CNNM2: variants seen among roughly 807,000 people sequenced by gnomAD.
CNNM2 encodes the protein metal transporter CNNM2.
CNNM2 carries 12 observed loss-of-function variants against 66.9 expected under a neutral mutation model. The observed-to-expected ratio is 0.18, with a 90% confidence interval of 0.11 to 0.29. The LOEUF is 0.29. Ranked by LOEUF, CNNM2 falls within the 10% of genes least tolerant of loss-of-function variation. CNNM2 has a pLI of 1.00. For synonymous variants in CNNM2, 557 were observed against 501.8 expected (o/e 1.11, Z -1.47); for missense variants, 705 against 1,167.7 (o/e 0.60, Z 5.77).
chr10:102,965,824 G>A (rs1456177995), intron 1 of CNNM2, among the ~76,000 whole-genome samples: 1 of 152,146 alleles, frequency 6.6e-6, no homozygotes, highest in Non-Finnish European at 1.5e-5. Context: ...CAAGCTAAAT[G>A]CCAACCACTT....
chr10:103,018,155 CAA>C (rs965960060), intron 1 of CNNM2, among the ~76,000 whole-genome samples: 1 of 151,722 alleles, frequency 6.6e-6, no homozygotes, highest in Non-Finnish European at 1.5e-5. Flanking sequence ...AAGGGTGAGA[CAA>C]AGAGATCAGT....
rs541323121 is a variant in CNNM2 at position 103,081,956 on chromosome 10, G to A, written c.*4776G>A. ...AAGCACGTTCTCTCTGTATGCTAGA[G>A]CTACTGACATCATCTCTACTAGAAT... is the stretch of plus-strand genomic sequence containing the variant. On this transcript the variant is annotated 3_prime_UTR_variant, in exon 8 of 8. Transcript: ENST00000369878. The A allele has an allele frequency of 6.6e-6, 1 of 152,346 alleles. No homozygotes were observed. Among genetic ancestry groups the A allele is most frequent in the South Asian group, 2.1e-4 (1 of 4,824 alleles). 9.4% of individuals were successfully genotyped at this position (152,346 alleles called of 1,614,324 possible). A position where few individuals can be genotyped will look rare whatever the true frequency, so the allele number is the denominator to read the frequency against.
At chr10:103,053,158 A>G (rs1027356338) in intron 2 of CNNM2, among the ~76,000 whole-genome samples, 4 of 152,200 alleles carry the variant, frequency 2.6e-5, no homozygotes, top group African/African-American at 9.7e-5. Flanking sequence ...ACCAAAGCCC[A>G]TGGGTGCCTG....
intron 1 of CNNM2, among the ~76,000 whole-genome samples, chr10:102,980,237 C>T (rs1178140610): frequency 1.3e-5 from 2 of 152,070 alleles, no homozygotes; most frequent in African/African-American, 4.8e-5. Flanking sequence ...GCCACTGCGT[C>T]CAGCCTCATC....
intron 1 of CNNM2, among the ~76,000 whole-genome samples, chr10:102,971,113 C>T (rs2063540315): frequency 6.6e-6 from 1 of 151,448 alleles, no homozygotes; most frequent in Non-Finnish European, 1.5e-5. Flanking sequence ...GTGGGAGGAT[C>T]CCTTGAGCCC....
chr10:103,056,896 A>C lies in CNNM2; in HGVS notation c.2005A>C (p.Lys669Gln). 1 of 1,614,014 alleles carries C rather than the reference A, an allele frequency of 6.2e-7. No homozygotes were observed. The highest frequency in any genetic ancestry group is 8.5e-7 in the Non-Finnish European group (1 of 1,179,886). The change falls in exon 4 of 8, where the codon AAG becomes CAG. Residue 669 changes from lysine (K) to glutamine (Q), a missense_variant. By Grantham distance (53) the Lys-to-Gln change is moderately conservative. Transcript: ENST00000369878. ...GGAACTGAAATATGATGAGAAGAAC[A>C]AGAAAGCCCCCGAATACTACCTCTA... ...IQELKYDEKN[K>Q]KAPEYYLYQR...
In CNNM2 at chr10:103,089,166, TA is replaced by T. The variant is rs1056034036; in HGVS notation, c.*11990del. ...TCACTGAGGATGAATTAAAGGCTTA[TA>T]AAAGAAAACTTGACCTTAACAGAGA... On this transcript the variant is annotated 3_prime_UTR_variant, in exon 8 of 8. Coordinates refer to ENST00000369878, the MANE Select transcript of CNNM2 (RefSeq NM_017649.5). 6 of 226,064 alleles carry T rather than the reference TA, an allele frequency of 2.7e-5. No homozygotes were observed. Among genetic ancestry groups the T allele is most frequent in the African/African-American group, 1.3e-4 (6 of 44,994 alleles). The allele number at this position is 226,064 out of a possible 1,614,324, so 14.0% of individuals were successfully genotyped here.
At chr10:102,992,305 C>T (rs1345016511) in intron 1 of CNNM2, among the ~76,000 whole-genome samples, 4 of 88,162 alleles carry the variant, frequency 4.5e-5, no homozygotes, top group East Asian at 9.1e-4. Flanking sequence ...ATGCAGTTTG[C>T]TCTCTTGCCC....
chr10:103,062,513 A>C (rs2134350499), intron 4 of CNNM2, among the ~76,000 whole-genome samples: 1 of 152,362 alleles, frequency 6.6e-6, no homozygotes, highest in East Asian at 1.9e-4. Flanking sequence ...ACTTAAGTAT[A>C]TGTCAGTATA....
Position 103,089,753 on chromosome 10 carries a change from G to A in CNNM2, c.*12573G>A, listed in dbSNP as rs1353529258. ...TTTCCTGGGGGGCCAGTGGGAAGAG[G>A]TTGGGAGGTTTAATCTCACTAATTG... On this transcript the variant is annotated 3_prime_UTR_variant, in exon 8 of 8. Transcript: ENST00000369878. 6.2e-7 allele frequency: 1 copy of A among 1,613,874 alleles called. No individual in the cohort carries two copies. Among genetic ancestry groups the A allele is most frequent in the Non-Finnish European group, 8.5e-7 (1 of 1,179,994 alleles).
Position 102,978,976 on chromosome 10 carries a change from C to T in CNNM2, c.1621+58875C>T, listed in dbSNP as rs1057151545. On this transcript the variant is annotated intron_variant, in intron 1 of 7. Coordinates refer to ENST00000369878, the MANE Select transcript of CNNM2 (RefSeq NM_017649.5). ...AATGGTTTCTTCTCATTGCTGTGTG[C>T]TATCACATTGTGTTAATATACCACG... 2.0e-5 allele frequency among the ~76,000 whole-genome samples: 3 copies of T among 152,176 alleles called. No individual in the cohort carries two copies. The East Asian group carries it at 5.8e-4, about 29-fold the overall frequency.
chr10:103,054,343 A>G lies in CNNM2; in HGVS notation c.1780A>G (p.Lys594Glu), dbSNP rs1448510355. ...TCCTCCCTTAGCTGACAACAGAACGAAAAAGAAAGTGGCTCACCGGGAACG... is the reference window on the plus strand; with the variant it reads ...TCCTCCCTTAGCTGACAACAGAACGGAAAAGAAAGTGGCTCACCGGGAACG... ...ETDLYTDNRTKKKVAHRERKQ... is the reference protein window; with the variant it reads ...ETDLYTDNRTEKKVAHRERKQ... The change falls in exon 3 of 8, where the codon AAA (lysine) becomes GAA (glutamate). Residue 594 changes from lysine (K) to glutamate (E), a missense_variant. Coordinates refer to ENST00000369878, the MANE Select transcript of CNNM2 (RefSeq NM_017649.5). This position sits in a 1 kb window ranked among gnomAD's most constrained non-coding sequence, Gnocchi z 5.2. 1.2e-6 allele frequency: 2 copies of G among 1,613,930 alleles called. No homozygotes were observed. The highest frequency in any genetic ancestry group is 1.7e-6 in the Non-Finnish European group (2 of 1,179,840).
Position 103,038,014 on chromosome 10 carries a change from A to G in CNNM2, c.1622-11693A>G, listed in dbSNP as rs573629968. 2.0e-5 allele frequency among the ~76,000 whole-genome samples: 3 copies of G among 152,072 alleles called. No homozygotes were observed. The South Asian group carries it at 6.2e-4, about 32-fold the overall frequency. Reference sequence around the variant, plus strand: ...ACCACCATACCCAGCTAATTTTTGTATTTTTAGTAGAGACGGGGTTTCACC... The same window carrying G: ...ACCACCATACCCAGCTAATTTTTGTGTTTTTAGTAGAGACGGGGTTTCACC... On this transcript the variant is annotated intron_variant, in intron 1 of 7. Coordinates refer to ENST00000369878, the MANE Select transcript of CNNM2 (RefSeq NM_017649.5).
intron 1 of CNNM2, among the ~76,000 whole-genome samples, chr10:102,924,380 A>G (rs1033930325): frequency 7.9e-5 from 12 of 152,152 alleles, no homozygotes; most frequent in African/African-American, 2.4e-4. Flanking sequence ...AGAGCATGCT[A>G]TTTACAGCTG....
chr10:102,918,682 G>A lies in CNNM2; in HGVS notation c.202G>A (p.Glu68Lys), dbSNP rs758292054. Reference protein sequence around the residue: ...CGAGGCAAVGENEETVIIGLR... With the variant: ...CGAGGCAAVGKNEETVIIGLR... Reference sequence around the variant, plus strand: ...TGCGGGCGGCTGCGCAGCGGTGGGCGAGAATGAGGAGACGGTGATCATCGG... The same window carrying A: ...TGCGGGCGGCTGCGCAGCGGTGGGCAAGAATGAGGAGACGGTGATCATCGG... The change falls in exon 1 of 8, where the codon GAG (glutamate) becomes AAG (lysine). Residue 68 changes from glutamate (E) to lysine (K), a missense_variant. Glu to Lys is a moderately conservative substitution (Grantham distance 56). This residue lies in a region of CNNM2 where 37 missense variants were observed against 58.5 expected (regional missense o/e 0.63). Transcript: ENST00000369878. The surrounding 1 kb of genome is among the most constrained non-coding windows in gnomAD (Gnocchi z 4.1). 4.5e-6 allele frequency: 7 copies of A among 1,554,112 alleles called. No homozygotes were observed. The highest frequency in any genetic ancestry group is 6.1e-6 in the Non-Finnish European group (7 of 1,149,472).
intron 1 of CNNM2, among the ~76,000 whole-genome samples, chr10:103,029,908 T>C (rs1395081122): frequency 6.6e-6 from 1 of 151,822 alleles, no homozygotes; most frequent in African/African-American, 2.4e-5. Context: ...AGATAGTTAT[T>C]AATACAGGGT....
intron 1 of CNNM2, among the ~76,000 whole-genome samples, chr10:102,920,528 A>G (rs1845589802): frequency 6.6e-6 from 1 of 152,092 alleles, no homozygotes; most frequent in Non-Finnish European, 1.5e-5. Context: ...AAAACATGTA[A>G]CTAGCTTTTG....
Position 103,088,586 on chromosome 10 carries a change from C to T in CNNM2, c.*11406C>T, listed in dbSNP as rs1393841901. On this transcript the variant is annotated 3_prime_UTR_variant, in exon 8 of 8. Transcript: ENST00000369878. ...ATTTTTAGTAGAGATGGGGTTTCTC[C>T]ATGTTGGTAAGGCTGGTCTCGAACT... 2.6e-5 allele frequency: 4 copies of T among 156,618 alleles called. No homozygotes were observed. Among genetic ancestry groups the T allele is most frequent in the Non-Finnish European group, 5.7e-5 (4 of 70,708 alleles). 9.7% of individuals were successfully genotyped at this position (156,618 alleles called of 1,614,324 possible). A position where few individuals can be genotyped will look rare whatever the true frequency, so the allele number is the denominator to read the frequency against.
chr10:103,020,787 G>A (rs1350304861), intron 1 of CNNM2, among the ~76,000 whole-genome samples: 2 of 135,312 alleles, frequency 1.5e-5, no homozygotes, highest in African/African-American at 5.5e-5. Flanking sequence ...CTGGGAAGGG[G>A]CGAAGGGCGC....
Sources: gnomAD v4.1 joint callset for allele counts (sites outside exome capture counted in the v4.1 genomes callset) on GRCh38, gnomAD v4.1.1 for gene constraint, gnomAD v4.1.1 regional missense constraint, Gnocchi (gnomAD v3.1) non-coding constraint, MANE v1.5 for transcripts, NCBI Gene and HGNC (gene_info 2026-07-23, HGNC 2026-07-21) for gene names.